The following CPD variants were observed in gnomAD, a reference collection of about 807,000 sequenced individuals.
CPD encodes the protein carboxypeptidase D, also known as metallocarboxypeptidase D.
A neutral mutation model predicts 138.3 loss-of-function variants in CPD; 69 were observed. The observed-to-expected ratio is 0.50, with a 90% CI of 0.41 to 0.61. The LOEUF is 0.61. Ranked by LOEUF, CPD falls within the 20% of genes least tolerant of loss-of-function variation. The pLI is 0.00. For synonymous variants in CPD, 651 were observed against 642.1 expected (o/e 1.01, Z -0.21); for missense variants, 1,432 against 1,733.3 (o/e 0.83, Z 3.09).
Position 30,445,743 on chromosome 17 carries a change from G to T in CPD, c.2596G>T (p.Val866Phe). 6.2e-7 allele frequency: 1 copy of T among 1,613,550 alleles called. No individual in the cohort carries two copies. Among genetic ancestry groups the T allele is most frequent in the Non-Finnish European group, 8.5e-7 (1 of 1,179,826 alleles). ...TGTCAAGAGTGAAGGCGCTATTCAG[G>T]TCAACTTCACACTTGTTCGATCCTC... Reference protein sequence around the residue: ...VTVKSEGAIQVNFTLVRSSTD... With the variant: ...VTVKSEGAIQFNFTLVRSSTD... The change falls in exon 12 of 21, where the codon GTC (valine) becomes TTC (phenylalanine). Residue 866 changes from valine to phenylalanine, a missense_variant. Coordinates refer to ENST00000225719, the MANE Select transcript of CPD (RefSeq NM_001304.5).
chr17:30,425,384 G>A (rs1912376676), intron 6 of CPD, among the ~76,000 whole-genome samples: 2 of 152,148 alleles, frequency 1.3e-5, no homozygotes, highest in Admixed American at 1.3e-4. Context: ...GCCAGGCGTG[G>A]TGGCTCATGC....
chr17:30,388,527 C>T (rs535277275), intron 2 of CPD, among the ~76,000 whole-genome samples: 1 of 152,320 alleles, frequency 6.6e-6, no homozygotes, highest in East Asian at 1.9e-4. Context: ...AGTGACAGTG[C>T]GCCGCCTCAG....
chr17:30,461,813 G>A, intron 18 of CPD, 64 bp from the exon 19 acceptor site: 1 of 1,391,990 alleles, frequency 7.2e-7, no homozygotes, highest in African/African-American at 1.4e-5. Flanking sequence ...CATGCCTCAA[G>A]CTAGTGCCTC....
intron 2 of CPD, among the ~76,000 whole-genome samples, chr17:30,419,175 G>C (rs1912196698): frequency 6.6e-6 from 1 of 152,132 alleles, no homozygotes; most frequent in African/African-American, 2.4e-5. Context: ...TATTTTTGCT[G>C]TATTGTTTGC....
rs1181506282 is a variant in CPD, at chr17:30,466,003, A to G, written c.*1189A>G. The G allele has an allele frequency of 6.6e-6, 1 of 152,344 alleles. No homozygotes were observed. Among genetic ancestry groups the G allele is most frequent in the African/African-American group, 2.4e-5 (1 of 41,416 alleles). The allele number at this position is 152,344 out of a possible 1,614,324, so 9.4% of individuals were successfully genotyped here. On this transcript the variant is annotated 3_prime_UTR_variant, in exon 21 of 21. Transcript: ENST00000225719. The stretch of plus-strand genomic sequence containing the variant: ...AAAGTTCAGTCGAAAGCTTTTAAGT[A>G]TAGCTTCCTCCCTTGAAAAAAAATG...
At chr17:30,413,345 A>C (rs139519564) in intron 2 of CPD, among the ~76,000 whole-genome samples, 1 of 152,224 alleles carries the variant, frequency 6.6e-6, no homozygotes, top group Non-Finnish European at 1.5e-5. Context: ...GAAAATCAGC[A>C]TCTTACCCAT....
At chr17:30,426,336 A>C (rs989659700) in intron 6 of CPD, among the ~76,000 whole-genome samples, 4 of 152,160 alleles carry the variant, frequency 2.6e-5, no homozygotes, top group African/African-American at 9.7e-5. Context: ...GGAGAATTGG[A>C]GTTATCACTC....
At chr17:30,394,905 G>T (rs999916294) in intron 2 of CPD, among the ~76,000 whole-genome samples, 24 of 146,380 alleles carry the variant, frequency 1.6e-4, no homozygotes, top group Non-Finnish European at 2.8e-4. Flanking sequence ...GTGTGTATGT[G>T]TGTGTGTGTG....
intron 2 of CPD, among the ~76,000 whole-genome samples, chr17:30,413,938 CG>C (rs1309218152): frequency 6.6e-6 from 1 of 152,040 alleles, no homozygotes; most frequent in Admixed American, 6.5e-5. Flanking sequence ...TAAGGTTATC[CG>C]GGGGAAGAGC....
intron 2 of CPD, among the ~76,000 whole-genome samples, chr17:30,406,925 AT>A (rs1457991327): frequency 6.6e-6 from 1 of 152,056 alleles, no homozygotes; most frequent in Non-Finnish European, 1.5e-5. Context: ...TCAGCTTATC[AT>A]TTACATTAGG....
At chr17:30,409,144 T>C (rs1052575760) in intron 2 of CPD, among the ~76,000 whole-genome samples, 2 of 152,138 alleles carry the variant, frequency 1.3e-5, no homozygotes, top group African/African-American at 4.8e-5. Context: ...GTTGTGTTTA[T>C]GTGATGGATT....
At chr17:30,397,997 G>C (rs1277295149) in intron 2 of CPD, among the ~76,000 whole-genome samples, 1 of 149,622 alleles carries the variant, frequency 6.7e-6, no homozygotes, top group Non-Finnish European at 1.5e-5. Flanking sequence ...GGGCAAAATA[G>C]TGAGACACTG....
intron 2 of CPD, among the ~76,000 whole-genome samples, chr17:30,404,179 A>G (rs1253198556): frequency 6.6e-6 from 1 of 152,132 alleles, no homozygotes; most frequent in African/African-American, 2.4e-5. Context: ...TGCACTGTAC[A>G]TGTAAATGGG....
At chr17:30,413,156 T>A (rs1465679851) in intron 2 of CPD, among the ~76,000 whole-genome samples, 3 of 152,214 alleles carry the variant, frequency 2.0e-5, no homozygotes, top group Admixed American at 6.5e-5. Flanking sequence ...CAACGACCAT[T>A]GTATTGTGAC....
chr17:30,385,087 C>T lies in CPD; in HGVS notation c.845C>T (p.Thr282Ile). ...EHKATGIYSK[T>I]SDDEVFKYLA... ...AAGGCCACTGGAATCTATAGCAAAA[C>T]CTCAGATGATGAAGTATTTAAATAC... Residue 282 changes from threonine (T) to isoleucine (I), a missense_variant, in exon 2 of 21, where the codon ACC becomes ATC. Thr to Ile is a moderately conservative substitution (Grantham distance 89). This residue lies in a region of CPD where 484 missense variants were observed against 477.2 expected (regional missense o/e 1.01). Coordinates refer to ENST00000225719, the MANE Select transcript of CPD (RefSeq NM_001304.5). The T allele has an allele frequency of 6.2e-7, 1 of 1,614,022 alleles. No homozygotes were observed. The highest frequency in any genetic ancestry group is 1.1e-5 in the South Asian group (1 of 91,074).
At chr17:30,421,899 A>G in intron 4 of CPD, 66 bp downstream of exon 4, 1 of 1,223,540 alleles carries the variant, frequency 8.2e-7, no homozygotes, top group Non-Finnish European at 1.2e-6. Context: ...TCTGAGACAG[A>G]AATATAGTCT....
chr17:30,465,565 A>G lies in CPD; in HGVS notation c.*751A>G, dbSNP rs1913614676. On this transcript the variant is annotated 3_prime_UTR_variant, in exon 21 of 21. Coordinates refer to ENST00000225719, the MANE Select transcript of CPD (RefSeq NM_001304.5). ...ATGAAGCTGAGAGAGAGATCTAGCAAAAGCTAAAACTCATGTTGTCTATCT... is the reference window on the plus strand; with the variant it reads ...ATGAAGCTGAGAGAGAGATCTAGCAGAAGCTAAAACTCATGTTGTCTATCT... 1 of 152,652 alleles carries G rather than the reference A, an allele frequency of 6.6e-6. No individual in the cohort carries two copies. Among genetic ancestry groups the G allele is most frequent in the Admixed American group, 6.5e-5 (1 of 15,282 alleles). The allele number at this position is 152,652 out of a possible 1,614,324, so 9.5% of individuals were successfully genotyped here.
Position 30,379,166 on chromosome 17 carries a change from G to A in CPD, c.186G>A (p.Glu62=). 2 of 1,535,240 alleles carry A rather than the reference G, an allele frequency of 1.3e-6. No homozygotes were observed. The highest frequency in any genetic ancestry group is 1.2e-5 in the South Asian group (1 of 83,936). ...AGTTCGACCGCTACTACCACGAAGA[G>A]GAGTTGGAGTCGGCGCTGAGGGAGG... The part of the protein sequence containing the change: ...EGQFDRYYHE[E]ELESALREAA... The change falls in exon 1 of 21, where the codon GAG becomes GAA. Residue 62 remains glutamate, a synonymous_variant. Coordinates refer to ENST00000225719, the MANE Select transcript of CPD (RefSeq NM_001304.5). The surrounding 1 kb of genome is among the most constrained non-coding windows in gnomAD (Gnocchi z 7.0).
In CPD at chr17:30,379,241, C is replaced by T; in HGVS notation, c.261C>T (p.Arg87=). Residue 87 remains arginine, a synonymous_variant, in exon 1 of 21, where the codon CGC becomes CGT. Coordinates refer to ENST00000225719, the MANE Select transcript of CPD (RefSeq NM_001304.5). The surrounding 1 kb of genome is among the most constrained non-coding windows in gnomAD (Gnocchi z 7.0). ...TGGCCCGCCTCTTTAGCATCGGCCG[C>T]TCGGTGGAAGGCCGGCCGCTGTGGG... ...PGLARLFSIG[R]SVEGRPLWVL... 6.6e-7 allele frequency: 1 copy of T among 1,522,072 alleles called. No homozygotes were observed. The allele number at this position is 1,522,072 out of a possible 1,614,324, so 94.3% of individuals were successfully genotyped here.
Sources: gnomAD v4.1 joint callset for allele counts (sites outside exome capture counted in the v4.1 genomes callset) on GRCh38, gnomAD v4.1.1 for gene constraint, gnomAD v4.1.1 regional missense constraint, Gnocchi (gnomAD v3.1) non-coding constraint, MANE v1.5 for transcripts, NCBI Gene and HGNC (gene_info 2026-07-23, HGNC 2026-07-21) for gene names.